Variants in PBX3 observed in about 807,000 individuals in gnomAD.
PBX3 encodes the protein PBX homeobox 3, also known as pre-B-cell leukemia transcription factor 3.
Under a neutral mutation model 48.5 loss-of-function variants are expected in PBX3, and 14 were observed. The ratio of observed to expected loss-of-function variants is 0.29; its 90% CI spans 0.19 to 0.45. PBX3 has a LOEUF of 0.45. Among genes scored for constraint, PBX3 ranks in the 20% least tolerant of loss-of-function variants. PBX3 has a pLI of 1.00. For missense variants in PBX3, 386 were observed against 546.7 expected (o/e 0.71, Z 2.93); for synonymous variants, 210 against 200.3 (o/e 1.05, Z -0.41).
intron 3 of PBX3, among the ~76,000 whole-genome samples, chr9:125,928,489 G>A (rs1841637315): frequency 6.9e-6 from 1 of 145,950 alleles, no homozygotes; most frequent in Non-Finnish European, 1.5e-5. Flanking sequence ...ACAGAATCTT[G>A]GAATCTCGCT....
chr9:125,826,914 A>G (rs1564676604), intron 2 of PBX3, among the ~76,000 whole-genome samples: 1 of 152,190 alleles, frequency 6.6e-6, no homozygotes, highest in South Asian at 2.1e-4. Context: ...ACTTTGAAAT[A>G]TACCACACAT....
At chr9:125,953,293 A>G (rs1204141115) in intron 5 of PBX3, among the ~76,000 whole-genome samples, 1 of 152,102 alleles carries the variant, frequency 6.6e-6, no homozygotes, top group Non-Finnish European at 1.5e-5. Flanking sequence ...CCTGGGCAAT[A>G]TAGCAAAACC....
chr9:125,963,239 T>C (rs992591453), intron 8 of PBX3, 138 bp downstream of exon 8: 1 of 526,186 alleles, frequency 1.9e-6, no homozygotes, highest in Admixed American at 3.2e-5. Flanking sequence ...CACTTTTATT[T>C]TAAGAACCTA....
intron 2 of PBX3, among the ~76,000 whole-genome samples, chr9:125,909,333 G>T (rs895209946): frequency 6.6e-6 from 1 of 152,252 alleles, no homozygotes; most frequent in African/African-American, 2.4e-5. Context: ...AAAATATAAT[G>T]AAACTGAAGG....
At chr9:125,876,257 A>C (rs1252957462) in intron 2 of PBX3, among the ~76,000 whole-genome samples, 2 of 152,186 alleles carry the variant, frequency 1.3e-5, no homozygotes, top group Non-Finnish European at 2.9e-5. Flanking sequence ...TTAAGAATGG[A>C]ATTAAAGAAT....
At chr9:125,796,785 TAATATATAAA>T (rs1837794020) in intron 2 of PBX3, among the ~76,000 whole-genome samples, 1 of 152,074 alleles carries the variant, frequency 6.6e-6, no homozygotes, top group Admixed American at 6.6e-5. Flanking sequence ...TCACTTTATA[TAATATATAAA>T]AATATATAAT....
chr9:125,791,316 T>TATCTATCTATC, intron 2 of PBX3, among the ~76,000 whole-genome samples: 1 of 151,040 alleles, frequency 6.6e-6, no homozygotes, highest in Admixed American at 6.6e-5. Flanking sequence ...TCTATCTATC[T>TATCTATCTATC]ATCTATCTAT....
intron 2 of PBX3, among the ~76,000 whole-genome samples, chr9:125,794,345 G>A (rs1837714782): frequency 6.6e-6 from 1 of 152,130 alleles, no homozygotes; most frequent in South Asian, 2.1e-4. Flanking sequence ...AGATTCCCAG[G>A]TAATCATATA....
intron 2 of PBX3, among the ~76,000 whole-genome samples, chr9:125,858,407 G>A (rs1240477844): frequency 1.3e-5 from 2 of 152,136 alleles, no homozygotes; most frequent in African/African-American, 2.4e-5. Context: ...GTATACATAT[G>A]ATAGCATAAT....
intron 2 of PBX3, among the ~76,000 whole-genome samples, chr9:125,794,451 G>C (rs1837717812): frequency 6.6e-6 from 1 of 152,034 alleles, no homozygotes; most frequent in Admixed American, 6.6e-5. Flanking sequence ...AGTGAGGTTG[G>C]TGAATGGGAA....
At chr9:125,951,817 C>G (rs913771616) in intron 5 of PBX3, among the ~76,000 whole-genome samples, 1 of 152,226 alleles carries the variant, frequency 6.6e-6, no homozygotes, top group Non-Finnish European at 1.5e-5. Flanking sequence ...ATTTATCCAG[C>G]TGTCCTCTGA....
intron 1 of PBX3, chr9:125,748,344 C>T (rs1428662742): frequency 2.4e-6 from 3 of 1,275,266 alleles, no homozygotes; most frequent in African/African-American, 3.0e-5. Context: ...CAGATGGGTC[C>T]GCCTTGTTCC....
chr9:125,864,886 G>A (rs1033885276), intron 2 of PBX3, among the ~76,000 whole-genome samples: 1 of 152,250 alleles, frequency 6.6e-6, no homozygotes, highest in Non-Finnish European at 1.5e-5. Context: ...AGATAGGAAA[G>A]GCATGAGGTG....
At chr9:125,918,549 G>T (rs565966800) in intron 3 of PBX3, among the ~76,000 whole-genome samples, 1 of 151,962 alleles carries the variant, frequency 6.6e-6, no homozygotes, top group East Asian at 1.9e-4. Context: ...GCCTAATAAC[G>T]ATCTAAATAT....
chr9:125,771,586 C>T (rs2132002656), intron 2 of PBX3, among the ~76,000 whole-genome samples: 1 of 152,074 alleles, frequency 6.6e-6, no homozygotes, highest in East Asian at 1.9e-4. Flanking sequence ...GATACCTTCC[C>T]TCTCAGGACT....
intron 2 of PBX3, chr9:125,843,663 C>G (rs1256248242): frequency 3.1e-6 from 1 of 322,742 alleles, no homozygotes; most frequent in Non-Finnish European, 6.5e-6. Flanking sequence ...ATTAGGGCAC[C>G]AGAGAACTTT....
chr9:125,748,160 G>C, intron 1 of PBX3: 4 of 839,776 alleles, frequency 4.8e-6, no homozygotes, highest in Non-Finnish European at 5.7e-6. Flanking sequence ...AAACTTTGCC[G>C]AGCTGTCACC....
chr9:125,963,910 A>G (rs1214942625), intron 8 of PBX3, among the ~76,000 whole-genome samples: 1 of 113,504 alleles, frequency 8.8e-6, no homozygotes, highest in Non-Finnish European at 2.1e-5. Flanking sequence ...AAAAAGGACC[A>G]TTAAATACTC....
At chr9:125,807,243 G>C (rs1330871739) in intron 2 of PBX3, among the ~76,000 whole-genome samples, 2 of 152,066 alleles carry the variant, frequency 1.3e-5, no homozygotes, top group Non-Finnish European at 2.9e-5. Flanking sequence ...AGAATCACTT[G>C]AACCTGGGAG....
Sources: gnomAD v4.1 joint callset for allele counts (sites outside exome capture counted in the v4.1 genomes callset) on GRCh38, gnomAD v4.1.1 for gene constraint, MANE v1.5 for transcripts, NCBI Gene and HGNC (gene_info 2026-07-23, HGNC 2026-07-21) for gene names.